The following ISLR2 variants were observed in gnomAD, a reference collection of about 807,000 sequenced individuals.
ISLR2 encodes immunoglobulin superfamily containing leucine-rich repeat protein 2.
Under a neutral mutation model 25.5 loss-of-function variants are expected in ISLR2, and 16 were observed. That is an observed-to-expected ratio of 0.63 (90% CI 0.43 to 0.95). The LOEUF (loss-of-function observed/expected upper bound fraction) is 0.95, where lower values mean the gene tolerates loss of function less well. Ranked by LOEUF, ISLR2 falls within the 40% of genes least tolerant of loss-of-function variation. ISLR2 has a pLI of 0.00. For synonymous variants in ISLR2, 508 were observed against 486.6 expected, an observed-to-expected ratio of 1.04 and a Z score of -0.58; for missense variants, 883 against 1,030.7, an observed-to-expected ratio of 0.86 and a Z score of 1.96.
intron 2 of ISLR2, among the ~76,000 whole-genome samples, chr15:74,106,332 T>A (rs2072119217): frequency 1.3e-5 from 2 of 152,158 alleles, no homozygotes; most frequent in Admixed American, 1.3e-4. Flanking sequence ...GGTCACAGTG[T>A]CCTCAGTCCA....
At chr15:74,131,430 G>A (rs2072416308) in intron 2 of ISLR2, 114 bp downstream of exon 2, 1 of 152,772 alleles carries the variant, frequency 6.5e-6, no homozygotes, top group East Asian at 1.9e-4. Flanking sequence ...ACCGGGAAGG[G>A]AGGGAAGGGA....
rs183822370 is a variant in ISLR2, at chr15:74,116,226, G to A, written n.228+12312G>A. Among the ~76,000 whole-genome samples the A allele has an allele frequency of 1.3e-4, 20 of 151,932 alleles. 1 individual carries two copies. The East Asian group carries it at 2.7e-3, about 21-fold the overall frequency. On this transcript the variant is annotated intron_variant and non_coding_transcript_variant, in intron 2 of 3. Transcript: ENST00000561975. ...AAAACAAAGAAGAATTACTAGAGAC[G>A]AAAAAGTTAACTCTGCAGATATGGG... is the stretch of plus-strand genomic sequence containing the variant.
At chr15:74,140,512 G>A (rs965140657), downstream of ISLR2, among the ~76,000 whole-genome samples, 6 of 152,168 alleles carry the variant, frequency 3.9e-5, no homozygotes, top group Non-Finnish European at 7.3e-5. Flanking sequence ...AGGAGGTGTC[G>A]CCTGCAAAGA....
At chr15:74,113,136 A>G (rs979902199) in intron 2 of ISLR2, among the ~76,000 whole-genome samples, 1 of 152,248 alleles carries the variant, frequency 6.6e-6, no homozygotes, top group African/African-American at 2.4e-5. Flanking sequence ...AGTTCACATT[A>G]GGGTTCACGC....
chr15:74,104,493 A>C (rs928862524), intron 2 of ISLR2, among the ~76,000 whole-genome samples: 1 of 152,226 alleles, frequency 6.6e-6, no homozygotes, highest in Non-Finnish European at 1.5e-5. Context: ...GAACAGTTAG[A>C]TTTTGCAGGG....
intron 2 of ISLR2, among the ~76,000 whole-genome samples, chr15:74,111,168 C>T (rs1286275934): frequency 6.3e-5 from 9 of 143,750 alleles, no homozygotes; most frequent in African/African-American, 2.3e-4. Flanking sequence ...AACAGAAAAG[C>T]AATAAAAAGG....
At chr15:74,139,272 TC>T (rs1162542304), downstream of ISLR2, among the ~76,000 whole-genome samples, 6 of 152,186 alleles carry the variant, frequency 3.9e-5, no homozygotes, top group Non-Finnish European at 7.4e-5. Flanking sequence ...CCCACTGAAA[TC>T]CCAGCCCTCT....
Position 74,135,403 on chromosome 15 carries a change from T to A in ISLR2, c.*411T>A, listed in dbSNP as rs189600111. The A allele has an allele frequency of 2.1e-3, 455 of 221,196 alleles. 4 individuals are homozygous for A. The highest frequency in any genetic ancestry group is 9.6e-3 in the African/African-American group (428 of 44,764). The allele number at this position is 221,196 out of a possible 1,614,324, so 13.7% of individuals were successfully genotyped here. Reference sequence around the variant, plus strand: ...GGAAACCTCGCGGTAACGCGGTGGTTTCGGGGGCCAGCCAAGGCCAGTGGA... The same window carrying A: ...GGAAACCTCGCGGTAACGCGGTGGTATCGGGGGCCAGCCAAGGCCAGTGGA... On this transcript the variant is annotated 3_prime_UTR_variant, in exon 3 of 3. Coordinates refer to ENST00000453268, the MANE Select transcript of ISLR2 (RefSeq NM_020851.3).
intron 1 of ISLR2, among the ~76,000 whole-genome samples, chr15:74,102,810 A>G (rs1439501214): frequency 6.6e-6 from 1 of 151,422 alleles, no homozygotes; most frequent in Non-Finnish European, 1.5e-5. Flanking sequence ...TTATTTCCCA[A>G]TAGGATTTTT....
At position 74,132,718 on chromosome 15, in the gene ISLR2, T is replaced by G. The variant is rs2072449803; in HGVS notation, c.-8-29T>G. ...AGCTGGGGTTCAGTGAGTCACCTTC[T>G]TTCTTCTTCACCTGGCTTCCATCTG... On this transcript the variant is annotated intron_variant, in intron 2 of 2. Coordinates refer to ENST00000453268, the MANE Select transcript of ISLR2 (RefSeq NM_020851.3). The surrounding 1 kb of genome is among the most constrained non-coding windows in gnomAD (Gnocchi z 4.3). The G allele has an allele frequency of 7.5e-6, 12 of 1,595,730 alleles. No homozygotes were observed. The highest frequency in any genetic ancestry group is 1.0e-5 in the Non-Finnish European group (12 of 1,168,208).
At position 74,134,146 on chromosome 15, in the gene ISLR2, C is replaced by G; in HGVS notation, c.1392C>G (p.Pro464=). The G allele has an allele frequency of 6.2e-7, 1 of 1,613,488 alleles. No homozygotes were observed. The highest frequency in any genetic ancestry group is 8.5e-7 in the Non-Finnish European group (1 of 1,179,822). Residue 464 remains proline, a synonymous_variant, in exon 3 of 3, where the codon CCC becomes CCG. Coordinates refer to ENST00000453268, the MANE Select transcript of ISLR2 (RefSeq NM_020851.3). Reference sequence around the variant, plus strand: ...AGCAGCGCTGTGGCAACGGGGACCCCTCTCGGTACGTTTCTAACCACGCGT... The same window carrying G: ...AGCAGCGCTGTGGCAACGGGGACCCGTCTCGGTACGTTTCTAACCACGCGT... The part of the protein sequence containing the change: ...AEEQRCGNGD[P]SRYVSNHAFN...
At position 74,133,418 on chromosome 15, in the gene ISLR2, G is replaced by T. The variant is rs758693988; in HGVS notation, c.664G>T (p.Val222Leu). The part of the protein sequence containing the change: ...ASPPALQGVP[V>L]YRLPALPCAP... The stretch of plus-strand genomic sequence containing the variant: ...GCCTCCCGCGCTGCAGGGGGTGCCG[G>T]TGTACCGCCTGCCCGCCCTGCCCTG... The change falls in exon 3 of 3, where the codon GTG (valine) becomes TTG (leucine). Residue 222 changes from valine to leucine, a missense_variant. Physicochemically the swap from Val to Leu is conservative, Grantham distance 32. This residue lies in a region of ISLR2 where 271 missense variants were observed against 387.9 expected (regional missense o/e 0.70). Transcript: ENST00000453268. The T allele has an allele frequency of 7.5e-6, 12 of 1,607,212 alleles. No individual in the cohort carries two copies. The highest frequency in any genetic ancestry group is 1.6e-4 in the Middle Eastern group (1 of 6,082).
downstream of ISLR2, among the ~76,000 whole-genome samples, chr15:74,139,710 C>T (rs781602995): frequency 6.6e-6 from 1 of 152,212 alleles, no homozygotes; most frequent in Non-Finnish European, 1.5e-5. Context: ...ACCTCTGACC[C>T]TCTCTCCCTG....
At position 74,133,471 on chromosome 15, in the gene ISLR2, C is replaced by G. The variant is rs1344198585; in HGVS notation, c.717C>G (p.Ala239=). The change falls in exon 3 of 3, where the codon GCC becomes GCG. Residue 239 remains alanine, a synonymous_variant. Transcript: ENST00000453268. ...PCAPPSVHLS[A]EPPLEAPGTP... is the part of the protein sequence containing the mutation. ...CACCGCCCAGCGTGCATCTGAGTGCCGAGCCACCGCTTGAAGCACCCGGCA... is the reference window on the plus strand; with the variant it reads ...CACCGCCCAGCGTGCATCTGAGTGCGGAGCCACCGCTTGAAGCACCCGGCA... 1.2e-6 allele frequency: 2 copies of G among 1,612,780 alleles called. No individual in the cohort carries two copies. The highest frequency in any genetic ancestry group is 1.6e-4 in the Middle Eastern group (1 of 6,062).
At chr15:74,115,073 T>A (rs7163974) in intron 2 of ISLR2, among the ~76,000 whole-genome samples, 3,825 of 152,178 alleles carry the variant, frequency 0.025, 161 homozygotes, top group African/African-American at 0.088. Flanking sequence ...GGGAAAGAAC[T>A]GCCAGAAAGC....
intron 2 of ISLR2, among the ~76,000 whole-genome samples, chr15:74,115,602 C>T (rs1441426455): frequency 1.3e-5 from 2 of 151,690 alleles, no homozygotes; most frequent in South Asian, 2.1e-4. Flanking sequence ...GGCTGAGACA[C>T]GAGAATCACT....
At chr15:74,103,553 C>T (rs1479768918) in intron 1 of ISLR2, among the ~76,000 whole-genome samples, 2 of 124,838 alleles carry the variant, frequency 1.6e-5, no homozygotes, top group African/African-American at 6.8e-5. Context: ...CTGCAGTGAG[C>T]CAAGGTTGCC....
At chr15:74,139,761 T>A (rs1407601271), downstream of ISLR2, among the ~76,000 whole-genome samples, 1 of 152,204 alleles carries the variant, frequency 6.6e-6, no homozygotes, top group Non-Finnish European at 1.5e-5. Context: ...TTTGAGCCTT[T>A]CCTGTATGCT....
Position 74,133,418 on chromosome 15 carries a change from G to C in ISLR2, c.664G>C (p.Val222Leu), listed in dbSNP as rs758693988. 7 of 1,607,212 alleles carry C rather than the reference G, an allele frequency of 4.4e-6. No individual in the cohort carries two copies. In the East Asian group the frequency reaches 1.3e-4, roughly 31 times the overall value. The change falls in exon 3 of 3, where the codon GTG (valine) becomes CTG (leucine). Residue 222 changes from valine to leucine, a missense_variant. This residue lies in a region of ISLR2 where 271 missense variants were observed against 387.9 expected (regional missense o/e 0.70). Coordinates refer to ENST00000453268, the MANE Select transcript of ISLR2 (RefSeq NM_020851.3). The stretch of plus-strand genomic sequence containing the variant: ...GCCTCCCGCGCTGCAGGGGGTGCCG[G>C]TGTACCGCCTGCCCGCCCTGCCCTG... Reference protein sequence around the residue: ...ASPPALQGVPVYRLPALPCAP... With the variant: ...ASPPALQGVPLYRLPALPCAP...
Sources: gnomAD v4.1 joint callset for allele counts (sites outside exome capture counted in the v4.1 genomes callset) on GRCh38, gnomAD v4.1.1 for gene constraint, gnomAD v4.1.1 regional missense constraint, Gnocchi (gnomAD v3.1) non-coding constraint, MANE v1.5 for transcripts, NCBI Gene and HGNC (gene_info 2026-07-23, HGNC 2026-07-21) for gene names.